Variants in RGN observed in about 807,000 individuals in gnomAD.
The protein encoded by RGN is regucalcin, also known as epididymis secretory protein Li 41.
In RGN, 19 loss-of-function variants were observed where a neutral mutation model predicts 20.6. The ratio of observed to expected loss-of-function variants is 0.92; its 90% CI spans 0.64 to 1.35. The LOEUF is 1.35. Among genes scored for constraint, RGN ranks in the 40% most tolerant of loss-of-function variants. The pLI is 0.00. For missense variants in RGN, 302 were observed against 232.7 expected (o/e 1.30, Z -1.94); for synonymous variants, 85 against 87.2 (o/e 0.97, Z 0.14).
chrX:47,089,210 G>A (rs1311989461), intron 4 of RGN, among the ~76,000 whole-genome samples: 3 of 35,742 alleles, frequency 8.4e-5, no homozygotes, highest in African/African-American at 2.8e-4. Flanking sequence ...GCTGTGCCAT[G>A]TATTTTATCC....
At chrX:47,085,950 ACTAT>A (rs1366642623) in intron 4 of RGN, among the ~76,000 whole-genome samples, 10 of 112,374 alleles carry the variant, frequency 8.9e-5, no homozygotes, top group Admixed American at 1.9e-4. Flanking sequence ...TATCTGATAT[ACTAT>A]CTAAATCCCA....
chrX:47,091,813 G>A lies in RGN; in HGVS notation c.694+4G>A. On this transcript the variant is annotated splice_donor_region_variant and intron_variant, in intron 6 of 7. Transcript: ENST00000397180. ...ATTCGTTTAGATCCTGTGACAGGTA[G>A]GCCTGCAGCAAAATGAAAAATCCTT... 1 of 1,202,726 alleles carries A rather than the reference G, an allele frequency of 8.3e-7. No individual in the cohort carries two copies. The highest frequency in any genetic ancestry group is 1.1e-6 in the Non-Finnish European group (1 of 892,809).
chrX:47,079,362 T>G (rs1602437786), intron 1 of RGN, among the ~76,000 whole-genome samples: 2 of 52,104 alleles, frequency 3.8e-5, no homozygotes, highest in Admixed American at 2.0e-4. Context: ...GTTTGTTTTT[T>G]TTTTTGTTTT....
rs1273496123 is a variant in RGN at position 47,080,663 on chromosome X, G to T, written c.-289G>T. On this transcript the variant is annotated 5_prime_UTR_variant, in exon 2 of 8. Transcript: ENST00000397180. The stretch of plus-strand genomic sequence containing the variant: ...AAGCAGCTCAGAAAAATGCAGGTGT[G>T]GCGGGCCCTGGCCTCTGCACCCTCA... 5.3e-5 allele frequency: 6 copies of T among 113,508 alleles called. No homozygotes were observed. The highest frequency in any genetic ancestry group is 1.6e-4 in the African/African-American group (5 of 30,809). The allele number at this position is 113,508 out of a possible 1,213,427, so 9.4% of individuals were successfully genotyped here.
chrX:47,093,254 A>G lies in RGN; in HGVS notation c.*307A>G, dbSNP rs1216958589. On this transcript the variant is annotated 3_prime_UTR_variant, in exon 8 of 8. Coordinates refer to ENST00000397180, the MANE Select transcript of RGN (RefSeq NM_152869.4). ...GGTACATATCTCTTCTTGATTCTGC[A>G]TTTCATACTTAACTATATTAAAGCT... 2 of 249,856 alleles carry G rather than the reference A, an allele frequency of 8.0e-6. No individual in the cohort carries two copies. The highest frequency in any genetic ancestry group is 1.4e-5 in the Non-Finnish European group (2 of 142,808). The allele number at this position is 249,856 out of a possible 1,213,427, so 20.6% of individuals were successfully genotyped here.
chrX:47,091,748 G>C lies in RGN; in HGVS notation c.633G>C (p.Glu211Asp). Reference protein sequence around the residue: ...QIPDGMCIDAEGKLWVACYNG... With the variant: ...QIPDGMCIDADGKLWVACYNG... ...CAGATGGAATGTGTATTGATGCTGA[G>C]GGGAAGCTCTGGGTGGCCTGTTACA... Residue 211 changes from glutamate (E) to aspartate (D), a missense_variant, in exon 6 of 8, where the codon GAG becomes GAC. Transcript: ENST00000397180. 3 of 1,210,589 alleles carry C rather than the reference G, an allele frequency of 2.5e-6. No homozygotes were observed. The highest frequency in any genetic ancestry group is 3.4e-6 in the Non-Finnish European group (3 of 894,623).
At chrX:47,089,596 TATACACAC>T (rs1408234999) in intron 4 of RGN, among the ~76,000 whole-genome samples, 172 bp from the exon 5 acceptor site, 2 of 38,876 alleles carry the variant, frequency 5.1e-5, no homozygotes, top group African/African-American at 3.3e-4. Flanking sequence ...TATATATATA[TATACACAC>T]ACACACACAC....
intron 4 of RGN, 22 bp downstream of exon 4, chrX:47,084,622 A>C (rs1242219305): frequency 8.8e-7 from 1 of 1,132,733 alleles, no homozygotes; most frequent in Non-Finnish European, 1.2e-6. Context: ...CTTAACACCT[A>C]CTTATTACTG....
chrX:47,081,669 C>A (rs186422427), intron 3 of RGN, among the ~76,000 whole-genome samples: 1 of 110,908 alleles, frequency 9.0e-6, no homozygotes, highest in Admixed American at 9.6e-5. Context: ...CTGCCTCAGC[C>A]TCCCTAGTAG....
chrX:47,090,944 GAAAGAAAGAAAGAAAGA>G (rs1930963415), intron 5 of RGN, among the ~76,000 whole-genome samples: 4 of 38,190 alleles, frequency 1.0e-4, no homozygotes, highest in Admixed American at 9.2e-4. Flanking sequence ...AAGAAAGAAA[GAAAGAAAGAAAGAAAGA>G]AAGAAAGAAA....
At chrX:47,087,783 C>T (rs1556384818) in intron 4 of RGN, among the ~76,000 whole-genome samples, 1 of 103,943 alleles carries the variant, frequency 9.6e-6, no homozygotes, top group Non-Finnish European at 1.9e-5. Context: ...AGTACTAATA[C>T]CAATACTATA....
At chrX:47,082,853 A>G (rs1556382046) in intron 3 of RGN, among the ~76,000 whole-genome samples, 1 of 106,867 alleles carries the variant, frequency 9.4e-6, no homozygotes, top group African/African-American at 3.4e-5. Context: ...AGAGCTACCA[A>G]GAGAAGTCTC....
At position 47,081,513 on chromosome X, in the gene RGN, GT is replaced by G. The variant is rs202235070; in HGVS notation, c.163+215del. Reference sequence around the variant, plus strand: ...CTTTGAATGAGGGGCAACATTCCTAGTTTTTTTTTGGGGGGGGGGGTGTTTT... The same window carrying G: ...CTTTGAATGAGGGGCAACATTCCTAGTTTTTTTTGGGGGGGGGGGTGTTTT... On this transcript the variant is annotated intron_variant, in intron 3 of 7. Transcript: ENST00000397180. Among the ~76,000 whole-genome samples the G allele has an allele frequency of 1.8e-3, 100 of 56,625 alleles. No homozygotes were observed. The South Asian group carries it at 0.018, about 10-fold the overall frequency. 49.2% of individuals were successfully genotyped at this position (56,625 alleles called of 115,157 possible).
chrX:47,089,529 C>T (rs1556386108), intron 4 of RGN, among the ~76,000 whole-genome samples: 2 of 34,573 alleles, frequency 5.8e-5, no homozygotes, highest in Non-Finnish European at 1.0e-4. Flanking sequence ...ATTATATATA[C>T]TCATATATAT....
In RGN at chrX:47,084,412, C is replaced by G. The variant is rs182374898; in HGVS notation, c.164-6C>G. 8.4e-7 allele frequency: 1 copy of G among 1,192,151 alleles called. No homozygotes were observed. The highest frequency in any genetic ancestry group is 3.0e-5 in the East Asian group (1 of 33,308). On this transcript the variant is annotated splice_region_variant and splice_polypyrimidine_tract_variant and intron_variant, in intron 3 of 7. Transcript: ENST00000397180. ...CTGTTTTTTAACTGTTGCTTTACCT[C>G]TACAGATGCCCCAGTCAGCTCCGTG...
chrX:47,089,600 C>CAT (rs1930831415), intron 4 of RGN, among the ~76,000 whole-genome samples, 176 bp from the exon 5 acceptor site: 1 of 15,001 alleles, frequency 6.7e-5, no homozygotes, highest in African/African-American at 2.5e-4. Flanking sequence ...TATATATATA[C>CAT]ACACACACAC....
intron 4 of RGN, chrX:47,087,357 G>C (rs1210628791): frequency 9.0e-6 from 1 of 111,352 alleles, no homozygotes; most frequent in Non-Finnish European, 1.9e-5. Context: ...CCACAGATAT[G>C]GTCCGGGACA....
intron 4 of RGN, 32 bp from the exon 5 acceptor site, chrX:47,089,744 G>A (rs782559363): frequency 1.6e-5 from 18 of 1,122,301 alleles, no homozygotes; most frequent in Non-Finnish European, 2.2e-5. Context: ...AGATGCTATG[G>A]GGCAGAGCTC....
chrX:47,080,151 G>C (rs2147005444), intron 1 of RGN, among the ~76,000 whole-genome samples, 166 bp from the exon 2 acceptor site: 1 of 112,297 alleles, frequency 8.9e-6, no homozygotes, highest in African/African-American at 3.2e-5. Flanking sequence ...CTAAAGAGCT[G>C]GGATTACAGG....
Sources: allele counts gnomAD v4.1 joint callset (sites outside exome capture counted in the v4.1 genomes callset), GRCh38; gene constraint gnomAD v4.1.1; transcripts MANE v1.5; gene names NCBI Gene and HGNC (gene_info 2026-07-23, HGNC 2026-07-21).